NUTF2: variants seen among roughly 807,000 people sequenced by gnomAD.
NUTF2 encodes the protein nuclear transport factor 2, also known as placental protein 15.
A neutral mutation model predicts 18.5 loss-of-function variants in NUTF2; 3 were observed. The ratio of observed to expected loss-of-function variants is 0.16; its 90% CI spans 0.07 to 0.42. The LOEUF is 0.42. Ranked by LOEUF, NUTF2 falls within the 10% of genes least tolerant of loss-of-function variation. NUTF2 has a pLI of 0.99. For missense variants in NUTF2, 44 were observed against 160.7 expected (o/e 0.27, Z 3.93); for synonymous variants, 51 against 57.9 (o/e 0.88, Z 0.54).
chr16:67,863,504 AC>A (rs2057948481), intron 1 of NUTF2, among the ~76,000 whole-genome samples: 1 of 152,190 alleles, frequency 6.6e-6, no homozygotes, highest in African/African-American at 2.4e-5. Context: ...GGGCGAGGTC[AC>A]ACGGACTGGA....
intron 1 of NUTF2, among the ~76,000 whole-genome samples, chr16:67,850,497 C>T (rs1308900704): frequency 6.6e-6 from 1 of 152,164 alleles, no homozygotes; most frequent in African/African-American, 2.4e-5. Context: ...TGAGCCACCG[C>T]GCCTGGCCGT....
intron 1 of NUTF2, among the ~76,000 whole-genome samples, chr16:67,858,875 T>A (rs1598163221): frequency 7.3e-6 from 1 of 136,978 alleles, no homozygotes; most frequent in Admixed American, 7.4e-5. Context: ...TTCAGGACAC[T>A]TTTTTTTTTT....
chr16:67,867,833 G>A (rs546644456), intron 2 of NUTF2, among the ~76,000 whole-genome samples: 1 of 152,240 alleles, frequency 6.6e-6, no homozygotes, highest in East Asian at 1.9e-4. Context: ...GATTACAGGC[G>A]TGCGCCACCA....
At chr16:67,868,314 C>G (rs1311153273) in intron 2 of NUTF2, 26 bp from the exon 3 acceptor site, 2 of 1,610,980 alleles carry the variant, frequency 1.2e-6, no homozygotes, top group Non-Finnish European at 1.7e-6. Flanking sequence ...AGGCCCCAAC[C>G]CTGGGGTTTC....
intron 1 of NUTF2, among the ~76,000 whole-genome samples, chr16:67,856,805 C>T (rs1266411931): frequency 4.6e-5 from 7 of 152,106 alleles, no homozygotes; most frequent in African/African-American, 1.2e-4. Flanking sequence ...CCACTGTGCC[C>T]GGCCCCATCT....
rs185853594 is a variant in NUTF2 at position 67,866,654 on chromosome 16, A to G, written c.99+1425A>G. On this transcript the variant is annotated intron_variant, in intron 2 of 4. Coordinates refer to ENST00000219169, the MANE Select transcript of NUTF2 (RefSeq NM_005796.3). ...CTAATTTTTGTATTTTTTAGTAGAGATGGGATTTCACCATGTTGGCCAGGC... is the reference window on the plus strand; with the variant it reads ...CTAATTTTTGTATTTTTTAGTAGAGGTGGGATTTCACCATGTTGGCCAGGC... 2.9e-3 allele frequency among the ~76,000 whole-genome samples: 438 copies of G among 151,914 alleles called. 5 individuals are homozygous for G. The highest frequency in any genetic ancestry group is 0.01 in the African/African-American group (417 of 41,416).
intron 1 of NUTF2, among the ~76,000 whole-genome samples, chr16:67,861,177 C>T (rs866034538): frequency 6.6e-6 from 1 of 152,178 alleles, no homozygotes; most frequent in Non-Finnish European, 1.5e-5. Flanking sequence ...TGACCTAGAG[C>T]GAGTTGGAGT....
chr16:67,852,710 G>T (rs932576342), intron 1 of NUTF2, among the ~76,000 whole-genome samples: 1 of 150,486 alleles, frequency 6.6e-6, no homozygotes, highest in Non-Finnish European at 1.5e-5. Flanking sequence ...ACAGAGTTTC[G>T]CTCTTATTGC....
chr16:67,853,022 C>G (rs2057871586), intron 1 of NUTF2, among the ~76,000 whole-genome samples: 3 of 152,086 alleles, frequency 2.0e-5, no homozygotes, highest in African/African-American at 7.2e-5. Context: ...TAGGGTACAT[C>G]AGCAGCCTTT....
chr16:67,849,440 C>A (rs2057835605), intron 1 of NUTF2, among the ~76,000 whole-genome samples: 1 of 151,616 alleles, frequency 6.6e-6, no homozygotes, highest in Admixed American at 6.6e-5. Context: ...CTCCTGGGTT[C>A]AAACGATTCT....
rs2058019744 is a variant in NUTF2, at chr16:67,872,360, C to T, written c.*1447C>T. On this transcript the variant is annotated 3_prime_UTR_variant, in exon 5 of 5. Transcript: ENST00000219169. ...CCACAGATTGCCTGGTGACATTGGG[C>T]ACAGGGCTGGATGGTGTGCTGTTTG... The T allele has an allele frequency of 1.3e-5, 2 of 152,212 alleles. No individual in the cohort carries two copies. The highest frequency in any genetic ancestry group is 2.4e-5 in the African/African-American group (1 of 41,448). The allele number at this position is 152,212 out of a possible 1,614,324, so 9.4% of individuals were successfully genotyped here.
At chr16:67,865,404 A>G (rs1479763104) in intron 2 of NUTF2, among the ~76,000 whole-genome samples, 175 bp downstream of exon 2, 1 of 152,174 alleles carries the variant, frequency 6.6e-6, no homozygotes, top group Non-Finnish European at 1.5e-5. Context: ...TACCTGGTCT[A>G]TACTTTTCCT....
chr16:67,866,289 G>A (rs1159428143), intron 2 of NUTF2, among the ~76,000 whole-genome samples: 2 of 150,850 alleles, frequency 1.3e-5, no homozygotes, highest in Non-Finnish European at 2.9e-5. Context: ...ATATTTGATT[G>A]TCATTATCAT....
At position 67,850,427 on chromosome 16, in the gene NUTF2, C is replaced by G. The variant is rs59288137; in HGVS notation, c.-30+3442C>G. 6.9e-3 allele frequency among the ~76,000 whole-genome samples: 1,050 copies of G among 151,696 alleles called. 13 individuals carry two copies. Among genetic ancestry groups the G allele is most frequent in the African/African-American group, 0.024 (997 of 41,368 alleles). On this transcript the variant is annotated intron_variant, in intron 1 of 4. Transcript: ENST00000219169. Reference sequence around the variant, plus strand: ...TTCACCATGTCAGCCAGGATGGTCTCGATCTCCTGACCTCGTGATCCACCC... The same window carrying G: ...TTCACCATGTCAGCCAGGATGGTCTGGATCTCCTGACCTCGTGATCCACCC...
At chr16:67,867,922 G>A (rs766685473) in intron 2 of NUTF2, among the ~76,000 whole-genome samples, 3 of 152,122 alleles carry the variant, frequency 2.0e-5, no homozygotes, top group Non-Finnish European at 2.9e-5. Flanking sequence ...TCCTGACCTC[G>A]TGATCTTCCC....
rs558432888 is a variant in NUTF2, at chr16:67,871,364, T to C, written c.*451T>C. On this transcript the variant is annotated 3_prime_UTR_variant, in exon 5 of 5. Coordinates refer to ENST00000219169, the MANE Select transcript of NUTF2 (RefSeq NM_005796.3). ...TACTAGTTGGCTGGGCATCAGAAGCTACCCAGACCCGTTGTCTCTCTCATG... is the reference window on the plus strand; with the variant it reads ...TACTAGTTGGCTGGGCATCAGAAGCCACCCAGACCCGTTGTCTCTCTCATG... The C allele has an allele frequency of 6.5e-6, 1 of 153,778 alleles. No individual in the cohort carries two copies. The highest frequency in any genetic ancestry group is 1.5e-5 in the Non-Finnish European group (1 of 68,822). 9.5% of individuals were successfully genotyped at this position (153,778 alleles called of 1,614,324 possible).
At chr16:67,856,175 G>GAGAC in intron 1 of NUTF2, 2 of 342,524 alleles carry the variant, frequency 5.8e-6, no homozygotes, top group Non-Finnish European at 1.1e-5. Flanking sequence ...TCAGCTGTTT[G>GAGAC]CATCTCGGCC....
chr16:67,868,330 C>T lies in NUTF2; in HGVS notation c.100-10C>T. On this transcript the variant is annotated splice_polypyrimidine_tract_variant and intron_variant, in intron 2 of 4. Transcript: ENST00000219169. Reference sequence around the variant, plus strand: ...GGCCCCAACCCTGGGGTTTCCTGTGCCTTTTTCAGATTGACGCGTCATGCC... The same window carrying T: ...GGCCCCAACCCTGGGGTTTCCTGTGTCTTTTTCAGATTGACGCGTCATGCC... 1 of 1,613,098 alleles carries T rather than the reference C, an allele frequency of 6.2e-7. No homozygotes were observed. Among genetic ancestry groups the T allele is most frequent in the Non-Finnish European group, 8.5e-7 (1 of 1,179,148 alleles).
At position 67,868,913 on chromosome 16, in the gene NUTF2, G is replaced by A. The variant is rs908980911; in HGVS notation, c.270+314G>A. ...GGAAAAGGGAGAAGTATAGGAGTAGGATGGGACTGGGGTGCCAAGCCACTA... is the reference window on the plus strand; with the variant it reads ...GGAAAAGGGAGAAGTATAGGAGTAGAATGGGACTGGGGTGCCAAGCCACTA... On this transcript the variant is annotated intron_variant, in intron 4 of 4. Coordinates refer to ENST00000219169, the MANE Select transcript of NUTF2 (RefSeq NM_005796.3). 38 of 259,354 alleles carry A rather than the reference G, an allele frequency of 1.5e-4. 1 individual carries two copies. Among genetic ancestry groups the A allele is most frequent in the Admixed American group, 6.8e-4 (14 of 20,618 alleles). 16.1% of individuals were successfully genotyped at this position (259,354 alleles called of 1,614,324 possible).
Sources: allele counts gnomAD v4.1 joint callset (sites outside exome capture counted in the v4.1 genomes callset), GRCh38; gene constraint gnomAD v4.1.1; transcripts MANE v1.5; gene names NCBI Gene and HGNC (gene_info 2026-07-23, HGNC 2026-07-21).